USP6NL: variants seen among roughly 807,000 people sequenced by gnomAD.
USP6NL encodes USP6 N-terminal-like protein.
In USP6NL, 26 loss-of-function variants were observed where a neutral mutation model predicts 61.9. That is an observed-to-expected ratio of 0.42 (90% CI 0.31 to 0.58). USP6NL has a LOEUF of 0.58. Ranked by LOEUF, USP6NL falls within the 20% of genes least tolerant of loss-of-function variation. The pLI is 0.16. For missense variants in USP6NL, 1,114 were observed against 1,034.3 expected (o/e 1.08, Z -1.06); for synonymous variants, 432 against 390.1 (o/e 1.11, Z -1.27).
rs1488487707 is a variant in USP6NL at position 11,585,919 on chromosome 10, G to T, written c.4+11712C>A. 6.6e-6 allele frequency among the ~76,000 whole-genome samples: 1 copy of T among 152,116 alleles called. No individual in the cohort carries two copies. The highest frequency in any genetic ancestry group is 1.5e-5 in the Non-Finnish European group (1 of 68,022). On this transcript the variant is annotated intron_variant, in intron 2 of 14. Transcript: ENST00000609104. The surrounding 1 kb of genome is among the most constrained non-coding windows in gnomAD (Gnocchi z 4.5). The stretch of plus-strand genomic sequence containing the variant: ...TACATGAGGTACCTAGAGGTCAGAG[G>T]CCGGGAAGAGGAAGAAACAGAGCAT...
rs764342021 is a variant in USP6NL, at chr10:11,554,966, A to ATTTTTTTTTTTTTT, written c.5-27413_5-27400dup. 1.6e-3 allele frequency among the ~76,000 whole-genome samples: 180 copies of ATTTTTTTTTTTTTT among 111,828 alleles called. 6 individuals are homozygous for ATTTTTTTTTTTTTT. The highest frequency in any genetic ancestry group is 8.2e-3 in the East Asian group (23 of 2,792). The allele number at this position is 111,828 out of a possible 152,430, so 73.4% of individuals were successfully genotyped here. A position where few individuals can be genotyped will look rare whatever the true frequency, so the allele number is the denominator to read the frequency against. On this transcript the variant is annotated intron_variant, in intron 2 of 14. Coordinates refer to ENST00000609104, the MANE Select transcript of USP6NL (RefSeq NM_014688.5). ...AGGTGCCTGCCACCATGCCCGGCTA[A>ATTTTTTTTTTTTTT]TTTTTTTTTTTTTTTTTTTACTAGA...
chr10:11,570,153 G>A (rs1173484873), intron 2 of USP6NL, among the ~76,000 whole-genome samples: 1 of 152,122 alleles, frequency 6.6e-6, no homozygotes, highest in African/African-American at 2.4e-5. Context: ...ACCACCAAAT[G>A]AGGGAAAGTT....
chr10:11,475,650 C>A (rs907700951), intron 14 of USP6NL, among the ~76,000 whole-genome samples: 1 of 143,436 alleles, frequency 7.0e-6, no homozygotes, highest in South Asian at 2.3e-4. Context: ...TTGAAAATCA[C>A]TATTTTGCAA....
chr10:11,534,657 T>TA (rs1835770447), intron 2 of USP6NL, among the ~76,000 whole-genome samples: 1 of 152,174 alleles, frequency 6.6e-6, no homozygotes, highest in Non-Finnish European at 1.5e-5. Flanking sequence ...TGACATGACG[T>TA]AAAATACAAA....
chr10:11,532,160 AT>A lies in USP6NL; in HGVS notation c.5-4594del. On this transcript the variant is annotated intron_variant, in intron 2 of 14. Coordinates refer to ENST00000609104, the MANE Select transcript of USP6NL (RefSeq NM_014688.5). This position sits in a 1 kb window ranked among gnomAD's most constrained non-coding sequence, Gnocchi z 4.1. ...AACGTTAAAAATATAAACAACATCA[AT>A]TTTAAAAGTACTTTACCCTTTGTGA... 1.3e-6 allele frequency: 2 copies of A among 1,540,420 alleles called. No individual in the cohort carries two copies. Among genetic ancestry groups the A allele is most frequent in the Non-Finnish European group, 1.8e-6 (2 of 1,129,548 alleles).
At chr10:11,549,762 A>G (rs1423360791) in intron 2 of USP6NL, among the ~76,000 whole-genome samples, 1 of 152,216 alleles carries the variant, frequency 6.6e-6, no homozygotes, top group East Asian at 1.9e-4. Flanking sequence ...TTTTTCCTTT[A>G]CAAGTAGAAA....
chr10:11,515,021 G>T (rs976158150), intron 5 of USP6NL, among the ~76,000 whole-genome samples: 2 of 152,174 alleles, frequency 1.3e-5, no homozygotes, highest in Admixed American at 6.6e-5. Context: ...ATTGTCTTAA[G>T]TTGATCTTGC....
In USP6NL at chr10:11,527,583, C is replaced by T; in HGVS notation, c.5-16G>A. 1 of 1,598,908 alleles carries T rather than the reference C, an allele frequency of 6.3e-7. No individual in the cohort carries two copies. The highest frequency in any genetic ancestry group is 8.5e-7 in the Non-Finnish European group (1 of 1,171,644). On this transcript the variant is annotated splice_polypyrimidine_tract_variant and intron_variant, in intron 2 of 14. Transcript: ENST00000609104. The stretch of plus-strand genomic sequence containing the variant: ...TGGTCTGAATCTGTGGAGAAGACAT[C>T]AAATTTAGATGAATTGTCATTGAAA...
rs1267579156 is a variant in USP6NL at position 11,611,078 on chromosome 10, G to A, written c.-84+365C>T. Among the ~76,000 whole-genome samples the A allele has an allele frequency of 6.6e-6, 1 of 152,154 alleles. No homozygotes were observed. Among genetic ancestry groups the A allele is most frequent in the Non-Finnish European group, 1.5e-5 (1 of 68,006 alleles). On this transcript the variant is annotated intron_variant, in intron 1 of 14. Coordinates refer to ENST00000609104, the MANE Select transcript of USP6NL (RefSeq NM_014688.5). This position sits in a 1 kb window ranked among gnomAD's most constrained non-coding sequence, Gnocchi z 5.3. The stretch of plus-strand genomic sequence containing the variant: ...AAGTTTGCCCGGGTCCTGCCCACTG[G>A]GGCTCGGGAGACGCGACCGAAACTT...
At chr10:11,506,964 A>G (rs1328587836) in intron 6 of USP6NL, among the ~76,000 whole-genome samples, 4 of 152,208 alleles carry the variant, frequency 2.6e-5, no homozygotes, top group Non-Finnish European at 5.9e-5. Context: ...TAATTCTTTT[A>G]GAAGGTTCAT....
At chr10:11,536,000 G>C (rs1835817835) in intron 2 of USP6NL, among the ~76,000 whole-genome samples, 1 of 152,182 alleles carries the variant, frequency 6.6e-6, no homozygotes, top group African/African-American at 2.4e-5. Context: ...GAGGAGGAAT[G>C]AGCAGTGAAG....
At chr10:11,609,784 T>C (rs1439548080) in intron 1 of USP6NL, among the ~76,000 whole-genome samples, 1 of 152,230 alleles carries the variant, frequency 6.6e-6, no homozygotes, top group African/African-American at 2.4e-5. Context: ...AGTAGTTCTC[T>C]TGGTTCCCTA....
intron 1 of USP6NL, among the ~76,000 whole-genome samples, chr10:11,607,921 T>C (rs948268416): frequency 6.6e-6 from 1 of 152,240 alleles, no homozygotes; most frequent in Non-Finnish European, 1.5e-5. Flanking sequence ...AGGTGCAATG[T>C]GTACCTCTAT....
rs372135719 is a variant in USP6NL at position 11,518,235 on chromosome 10, G to C, written c.195+300C>G. 4.1e-4 allele frequency among the ~76,000 whole-genome samples: 62 copies of C among 152,306 alleles called. 1 individual carries two copies. The South Asian group carries it at 0.01, about 26-fold the overall frequency. ...CCTACCCAGAGAGGCTGATTTCACA[G>C]ACTGAGGTGGGAGCTGGGCAGCTGT... On this transcript the variant is annotated intron_variant, in intron 5 of 14. Coordinates refer to ENST00000609104, the MANE Select transcript of USP6NL (RefSeq NM_014688.5). The surrounding 1 kb of genome is among the most constrained non-coding windows in gnomAD (Gnocchi z 5.3).
At chr10:11,483,053 C>T (rs1833271010) in intron 13 of USP6NL, among the ~76,000 whole-genome samples, 1 of 152,170 alleles carries the variant, frequency 6.6e-6, no homozygotes, top group Non-Finnish European at 1.5e-5. Flanking sequence ...AAATTATAGT[C>T]ACCATGCTGT....
chr10:11,581,987 G>A (rs1309817092), intron 2 of USP6NL, among the ~76,000 whole-genome samples: 4 of 152,040 alleles, frequency 2.6e-5, no homozygotes, highest in South Asian at 2.1e-4. Flanking sequence ...TTTTTGAGAC[G>A]GAGTTTCGCT....
At chr10:11,559,305 TTATA>T (rs1425097100) in intron 2 of USP6NL, among the ~76,000 whole-genome samples, 1 of 152,186 alleles carries the variant, frequency 6.6e-6, no homozygotes, top group Non-Finnish European at 1.5e-5. Flanking sequence ...CACCTTGAAG[TTATA>T]TAAACAGAAA....
At chr10:11,531,411 C>G (rs7086349) in intron 2 of USP6NL, among the ~76,000 whole-genome samples, 17,238 of 152,042 alleles carry the variant, frequency 0.11, 1,290 homozygotes, top group East Asian at 0.16. Flanking sequence ...CAACCTCCAC[C>G]TCCCAGGTTC....
At chr10:11,523,817 C>T (rs1388855912) in intron 4 of USP6NL, among the ~76,000 whole-genome samples, 1 of 152,154 alleles carries the variant, frequency 6.6e-6, no homozygotes, top group Admixed American at 6.5e-5. Context: ...GGTTCATTCC[C>T]ACCAGAAACA....
Sources: allele counts gnomAD v4.1 joint callset (sites outside exome capture counted in the v4.1 genomes callset), GRCh38; gene constraint gnomAD v4.1.1; non-coding constraint Gnocchi (gnomAD v3.1); transcripts MANE v1.5; gene names NCBI Gene and HGNC (gene_info 2026-07-23, HGNC 2026-07-21).